PKP4: variants seen among roughly 807,000 people sequenced by gnomAD.
The protein encoded by PKP4 is plakophilin-4.
A neutral mutation model predicts 145.1 loss-of-function variants in PKP4; 90 were observed. That is an observed-to-expected ratio of 0.62 (90% confidence interval 0.52 to 0.74). PKP4 has a LOEUF of 0.74. Ranked by LOEUF, PKP4 falls within the 30% of genes least tolerant of loss-of-function variation. The probability of loss-of-function intolerance (pLI) is 0.00; values close to 1 mark genes in which losing one functional copy is unlikely to be tolerated. For synonymous variants in PKP4, 563 were observed against 577.2 expected, an observed-to-expected ratio of 0.98 and a Z score of 0.35; for missense variants, 1,340 against 1,482.7, an observed-to-expected ratio of 0.90 and a Z score of 1.58.
chr2:158,601,872 A>G (rs575071327), intron 3 of PKP4, among the ~76,000 whole-genome samples: 1 of 152,200 alleles, frequency 6.6e-6, no homozygotes, highest in Non-Finnish European at 1.5e-5. Flanking sequence ...ATAAGAACTT[A>G]AAATCTCAGA....
chr2:158,549,454 G>A (rs902653454), intron 2 of PKP4, among the ~76,000 whole-genome samples: 5 of 151,728 alleles, frequency 3.3e-5, no homozygotes, highest in African/African-American at 4.8e-5. Flanking sequence ...CTTCACCTAC[G>A]CCCCTGTGAG....
At chr2:158,662,714 C>T (rs1386055691) in intron 13 of PKP4, 183 bp from the exon 14 acceptor site, 3 of 505,898 alleles carry the variant, frequency 5.9e-6, no homozygotes, top group African/African-American at 1.9e-5. Flanking sequence ...TGCATCCTGT[C>T]ATCTGGGTAT....
At chr2:158,543,689 T>C (rs573979748) in intron 2 of PKP4, among the ~76,000 whole-genome samples, 1 of 152,332 alleles carries the variant, frequency 6.6e-6, no homozygotes. Context: ...AACAGCTCTT[T>C]ACTCAAAGAT....
chr2:158,509,924 G>A (rs1173512482), intron 1 of PKP4, among the ~76,000 whole-genome samples: 1 of 142,408 alleles, frequency 7.0e-6, no homozygotes, highest in Non-Finnish European at 1.5e-5. Flanking sequence ...TCCAGCCTGG[G>A]CAACAAGAGC....
intron 1 of PKP4, among the ~76,000 whole-genome samples, chr2:158,522,481 A>G (rs1455439655): frequency 6.6e-6 from 1 of 152,214 alleles, no homozygotes; most frequent in Non-Finnish European, 1.5e-5. Flanking sequence ...CCAGTTTCAC[A>G]TATGAGCCTC....
At position 158,620,985 on chromosome 2, in the gene PKP4, T is replaced by TA. The variant is rs1179770993; in HGVS notation, c.281-4dup. 1.2e-6 allele frequency: 2 copies of TA among 1,613,180 alleles called. No homozygotes were observed. Among genetic ancestry groups the TA allele is most frequent in the Non-Finnish European group, 1.7e-6 (2 of 1,179,520 alleles). On this transcript the variant is annotated splice_region_variant and splice_polypyrimidine_tract_variant and intron_variant, in intron 4 of 21. Transcript: ENST00000389759. ...ATTTAGCTGATTAAACTTTTCTTGT[T>TA]ACAGACGTGCCAAATACTGGTGTAA...
intron 2 of PKP4, among the ~76,000 whole-genome samples, chr2:158,560,715 T>TA (rs1276690618): frequency 2.6e-5 from 4 of 152,236 alleles, no homozygotes; most frequent in African/African-American, 9.7e-5. Context: ...CCTAACTCTT[T>TA]AAAAAATAGC....
chr2:158,677,654 T>C (rs770481542), intron 20 of PKP4, among the ~76,000 whole-genome samples: 27 of 152,256 alleles, frequency 1.8e-4, no homozygotes, highest in Non-Finnish European at 1.3e-4. Flanking sequence ...GCAGTCTCCA[T>C]TGTACTGTTG....
intron 3 of PKP4, among the ~76,000 whole-genome samples, chr2:158,594,806 AT>A (rs2049581261): frequency 1.3e-5 from 2 of 152,302 alleles, no homozygotes; most frequent in Admixed American, 1.3e-4. Context: ...CTAAGAAATC[AT>A]TACTGCCTGG....
At chr2:158,466,441 A>T (rs1690624492) in intron 1 of PKP4, among the ~76,000 whole-genome samples, 1 of 152,210 alleles carries the variant, frequency 6.6e-6, no homozygotes, top group Admixed American at 6.5e-5. Flanking sequence ...TCACACCTGT[A>T]ATCCCAGCAC....
chr2:158,632,395 C>A lies in PKP4; in HGVS notation c.1342+454C>A, dbSNP rs200217135. On this transcript the variant is annotated intron_variant, in intron 8 of 21. Coordinates refer to ENST00000389759, the MANE Select transcript of PKP4 (RefSeq NM_003628.6). ...TACTCCTTTTTTAATGTTGGATGTTCTCTGAATAGTTAAATGTAGAATGTA... is the reference window on the plus strand; with the variant it reads ...TACTCCTTTTTTAATGTTGGATGTTATCTGAATAGTTAAATGTAGAATGTA... The A allele has an allele frequency of 4.6e-5, 8 of 174,214 alleles. No homozygotes were observed. The East Asian group carries it at 6.1e-4, about 13-fold the overall frequency. 10.8% of individuals were successfully genotyped at this position (174,214 alleles called of 1,614,324 possible).
At chr2:158,464,810 A>G (rs918741672) in intron 1 of PKP4, among the ~76,000 whole-genome samples, 2 of 152,228 alleles carry the variant, frequency 1.3e-5, no homozygotes, top group Non-Finnish European at 2.9e-5. Flanking sequence ...AATTAAAGGT[A>G]ACTTTATTCC....
chr2:158,596,593 C>A (rs921047557), intron 3 of PKP4, among the ~76,000 whole-genome samples: 133 of 150,884 alleles, frequency 8.8e-4, no homozygotes, highest in African/African-American at 3.1e-3. Flanking sequence ...GCCTGTAATC[C>A]CAGCCTGGGC....
intron 2 of PKP4, among the ~76,000 whole-genome samples, chr2:158,537,773 A>C (rs999120359): frequency 1.3e-5 from 2 of 152,182 alleles, no homozygotes; most frequent in Non-Finnish European, 2.9e-5. Context: ...CATGCCTGTA[A>C]TCCTAGCACT....
intron 1 of PKP4, among the ~76,000 whole-genome samples, chr2:158,473,360 G>C (rs1230861746): frequency 2.0e-5 from 3 of 152,170 alleles, no homozygotes; most frequent in Non-Finnish European, 4.4e-5. Flanking sequence ...CATGCACACA[G>C]ATGTTCATTG....
chr2:158,657,361 C>T (rs1297798005), intron 11 of PKP4, among the ~76,000 whole-genome samples: 1 of 152,274 alleles, frequency 6.6e-6, no homozygotes, highest in East Asian at 1.9e-4. Flanking sequence ...TTAAACAGAA[C>T]TCTAATAAGC....
At chr2:158,563,099 A>G (rs1293645710) in intron 2 of PKP4, among the ~76,000 whole-genome samples, 5 of 152,184 alleles carry the variant, frequency 3.3e-5, no homozygotes, top group Admixed American at 6.5e-5. Context: ...TTTACAGCAT[A>G]TATATTTAAG....
chr2:158,539,941 C>T (rs1205494774), intron 2 of PKP4, among the ~76,000 whole-genome samples: 1 of 152,094 alleles, frequency 6.6e-6, no homozygotes. Context: ...CCACCTCAAG[C>T]GTCCCTGTGA....
In PKP4 at chr2:158,624,932, C is replaced by T. The variant is rs1412282002; in HGVS notation, c.658C>T (p.Gln220Ter). Residue 220 changes from glutamine (Q) to a stop codon, truncating the protein, a stop_gained, in exon 7 of 22, where the codon CAG (glutamine) becomes TAG (stop). Coordinates refer to ENST00000389759, the MANE Select transcript of PKP4 (RefSeq NM_003628.6). LOFTEE classifies it high-confidence loss of function. ...RRVSSVPSRA[Q>*]SPSYVISTGV... is the part of the protein sequence containing the mutation. ...AGTTAGTTCAGTTCCATCTAGAGCA[C>T]AGTCTCCTTCTTATGTTATCAGCAC... 6.2e-7 allele frequency: 1 copy of T among 1,613,622 alleles called. No individual in the cohort carries two copies. Among genetic ancestry groups the T allele is most frequent in the Non-Finnish European group, 8.5e-7 (1 of 1,179,716 alleles).
Sources: allele counts gnomAD v4.1 joint callset (sites outside exome capture counted in the v4.1 genomes callset), GRCh38; gene constraint gnomAD v4.1.1; transcripts MANE v1.5; gene names NCBI Gene and HGNC (gene_info 2026-07-23, HGNC 2026-07-21).